CNTN5: variants seen among roughly 807,000 people sequenced by gnomAD.
CNTN5 encodes the protein contactin-5.
A neutral mutation model predicts 129.1 loss-of-function variants in CNTN5; 77 were observed. That is an observed-to-expected ratio of 0.60 (90% CI 0.50 to 0.72). The LOEUF (loss-of-function observed/expected upper bound fraction) is 0.72. Among genes scored for constraint, CNTN5 ranks in the 30% least tolerant of loss-of-function variants. The pLI, the probability that CNTN5 is intolerant of heterozygous loss-of-function variation, is 0.00. For synonymous variants in CNTN5, 509 were observed against 465.6 expected, an observed-to-expected ratio of 1.09 and a Z score of -1.20; for missense variants, 1,478 against 1,328.8, an observed-to-expected ratio of 1.11 and a Z score of -1.75.
chr11:99,698,927 A>C (rs1349415539), intron 3 of CNTN5, among the ~76,000 whole-genome samples: 1 of 151,248 alleles, frequency 6.6e-6, no homozygotes, highest in Admixed American at 6.6e-5. Context: ...AAAAAAAAAA[A>C]AACTTGATTC....
chr11:99,164,773 C>T (rs1305041245), intron 1 of CNTN5, among the ~76,000 whole-genome samples: 1 of 152,016 alleles, frequency 6.6e-6, no homozygotes, highest in Non-Finnish European at 1.5e-5. Flanking sequence ...TTATGCAGCA[C>T]AAGTTGAGTA....
At chr11:99,806,093 A>C (rs1946260365) in intron 3 of CNTN5, among the ~76,000 whole-genome samples, 1 of 152,204 alleles carries the variant, frequency 6.6e-6, no homozygotes, top group Non-Finnish European at 1.5e-5. Context: ...CTTCTCAGAG[A>C]GTACAAGTGA....
chr11:100,035,156 G>T (rs992502785), intron 9 of CNTN5, among the ~76,000 whole-genome samples: 5 of 151,864 alleles, frequency 3.3e-5, no homozygotes, highest in South Asian at 2.1e-4. Context: ...GATGTGTGAT[G>T]TTCCCCTTCC....
intron 1 of CNTN5, among the ~76,000 whole-genome samples, chr11:99,250,548 T>C (rs1862044536): frequency 6.6e-6 from 1 of 151,968 alleles, no homozygotes; most frequent in Non-Finnish European, 1.5e-5. Flanking sequence ...AAATGCAAGA[T>C]ATTTGCTTTT....
At chr11:99,199,490 T>C (rs1038157792) in intron 1 of CNTN5, among the ~76,000 whole-genome samples, 2 of 152,162 alleles carry the variant, frequency 1.3e-5, no homozygotes, top group Non-Finnish European at 2.9e-5. Flanking sequence ...CCCGACATTC[T>C]CATGCTCACC....
At chr11:99,905,621 G>A (rs879078943) in intron 6 of CNTN5, among the ~76,000 whole-genome samples, 43 of 151,972 alleles carry the variant, frequency 2.8e-4, no homozygotes, top group African/African-American at 8.0e-4. Context: ...TTTGCTGTAC[G>A]GGCTCTTTTT....
intron 1 of CNTN5, among the ~76,000 whole-genome samples, chr11:99,273,168 G>T (rs1591452840): frequency 6.6e-6 from 1 of 151,800 alleles, no homozygotes; most frequent in Non-Finnish European, 1.5e-5. Context: ...GTCTAAATGG[G>T]AAAAAGCCAA....
In CNTN5 at chr11:100,131,299, G is replaced by T. The variant is rs1172244375; in HGVS notation, c.1580+57005G>T. Reference sequence around the variant, plus strand: ...AAGAGCAAAGGAAAGAAGGATTTCAGGTATTTTGGGGAGGTAAATGCAACA... The same window carrying T: ...AAGAGCAAAGGAAAGAAGGATTTCATGTATTTTGGGGAGGTAAATGCAACA... On this transcript the variant is annotated intron_variant, in intron 13 of 24. Coordinates refer to ENST00000524871, the MANE Select transcript of CNTN5 (RefSeq NM_014361.4). Among the ~76,000 whole-genome samples, 3 of 152,124 alleles carry T rather than the reference G, an allele frequency of 2.0e-5. No individual in the cohort carries two copies. The East Asian group carries it at 5.8e-4, about 30-fold the overall frequency.
intron 10 of CNTN5, among the ~76,000 whole-genome samples, chr11:100,064,659 A>G (rs1376853813): frequency 6.6e-6 from 1 of 152,046 alleles, no homozygotes; most frequent in Non-Finnish European, 1.5e-5. Context: ...TTCTTTGGCT[A>G]TTTCTGTCCC....
rs137871009 is a variant in CNTN5, at chr11:99,472,023, T to C, written c.-70-84122T>C. Reference sequence around the variant, plus strand: ...TTAAAATTTAATCATAACCAAGGAATAAAATAGTAGTATATAGGTAAGGAA... The same window carrying C: ...TTAAAATTTAATCATAACCAAGGAACAAAATAGTAGTATATAGGTAAGGAA... On this transcript the variant is annotated intron_variant, in intron 2 of 24. Coordinates refer to ENST00000524871, the MANE Select transcript of CNTN5 (RefSeq NM_014361.4). 4.1e-4 allele frequency among the ~76,000 whole-genome samples: 63 copies of C among 152,194 alleles called. No homozygotes were observed. The East Asian group carries it at 7.9e-3, about 19-fold the overall frequency.
intron 4 of CNTN5, among the ~76,000 whole-genome samples, chr11:99,826,660 G>C (rs1185665669): frequency 6.6e-6 from 1 of 152,160 alleles, no homozygotes; most frequent in Non-Finnish European, 1.5e-5. Flanking sequence ...GGGTAAGAGA[G>C]AACACTCCTA....
intron 3 of CNTN5, among the ~76,000 whole-genome samples, chr11:99,762,965 C>G (rs1944634146): frequency 1.3e-5 from 2 of 152,112 alleles, no homozygotes; most frequent in Non-Finnish European, 2.9e-5. Flanking sequence ...CTATCACAGT[C>G]TCCCAATAAA....
intron 14 of CNTN5, 32 bp from the exon 15 acceptor site, chr11:100,193,456 T>C: frequency 1.5e-6 from 2 of 1,325,988 alleles, no homozygotes; most frequent in Non-Finnish European, 2.1e-6. Flanking sequence ...AACAGGTTGA[T>C]TATCTTAATT....
chr11:99,110,207 G>C (rs1312460721), intron 1 of CNTN5, among the ~76,000 whole-genome samples: 2 of 151,996 alleles, frequency 1.3e-5, no homozygotes, highest in East Asian at 3.9e-4. Flanking sequence ...GAGAAAGAAG[G>C]AATACTCAAA....
intron 2 of CNTN5, among the ~76,000 whole-genome samples, chr11:99,513,087 A>G (rs972519201): frequency 6.6e-6 from 1 of 152,172 alleles, no homozygotes; most frequent in Admixed American, 6.6e-5. Flanking sequence ...GAATACATGA[A>G]TGATAAAAGA....
At chr11:99,407,364 T>C (rs1282700272) in intron 2 of CNTN5, among the ~76,000 whole-genome samples, 1 of 152,064 alleles carries the variant, frequency 6.6e-6, no homozygotes, top group South Asian at 2.1e-4. Context: ...ATCTAGGGCC[T>C]GGAAAAGGGA....
At chr11:99,297,819 A>G (rs983692864) in intron 1 of CNTN5, among the ~76,000 whole-genome samples, 1 of 152,124 alleles carries the variant, frequency 6.6e-6, no homozygotes, top group African/African-American at 2.4e-5. Context: ...CAAAAGACAA[A>G]TTTTATAACC....
intron 9 of CNTN5, among the ~76,000 whole-genome samples, chr11:100,026,061 C>A (rs1378776894): frequency 6.6e-6 from 1 of 152,010 alleles, no homozygotes; most frequent in East Asian, 1.9e-4. Context: ...GTGTCCCCAC[C>A]CAAATCTCCT....
chr11:99,147,606 T>A (rs1859851247), intron 1 of CNTN5, among the ~76,000 whole-genome samples: 1 of 152,154 alleles, frequency 6.6e-6, no homozygotes, highest in African/African-American at 2.4e-5. Flanking sequence ...GAGAGCAGCT[T>A]ACAACAGATT....
Sources: allele counts gnomAD v4.1 joint callset (sites outside exome capture counted in the v4.1 genomes callset), GRCh38; gene constraint gnomAD v4.1.1; transcripts MANE v1.5; gene names NCBI Gene and HGNC (gene_info 2026-07-23, HGNC 2026-07-21).